ANO3: variants seen among roughly 807,000 people sequenced by gnomAD.
ANO3 encodes anoctamin-3.
ANO3 carries 99 observed loss-of-function variants against 144.8 expected under a neutral mutation model. That is an observed-to-expected ratio of 0.68 (90% CI 0.58 to 0.81). ANO3 has a LOEUF of 0.81. ANO3 is among the 30% of genes least tolerant of loss of function. The pLI is 0.00. For missense variants in ANO3, 905 were observed against 1,202.2 expected (o/e 0.75, Z 3.66); for synonymous variants, 414 against 392.6 (o/e 1.05, Z -0.64).
chr11:26,255,229 T>A (rs1204797391), intron 1 of ANO3, among the ~76,000 whole-genome samples: 1 of 152,190 alleles, frequency 6.6e-6, no homozygotes. Context: ...AGGCATTTTT[T>A]CTTTCTAATT....
intron 3 of ANO3, among the ~76,000 whole-genome samples, chr11:26,450,176 G>C (rs1029943879): frequency 6.6e-6 from 1 of 152,154 alleles, no homozygotes; most frequent in African/African-American, 2.4e-5. Context: ...TAGTAACTGT[G>C]ACTTATGTTT....
At chr11:26,546,535 G>C (rs1198441273) in intron 11 of ANO3, among the ~76,000 whole-genome samples, 1 of 151,978 alleles carries the variant, frequency 6.6e-6, no homozygotes, top group Non-Finnish European at 1.5e-5. Flanking sequence ...ACAAAACTGT[G>C]TGTGTTAAGT....
At chr11:26,407,072 G>GTATATATA (rs1453977441) in intron 1 of ANO3, among the ~76,000 whole-genome samples, 208 of 101,442 alleles carry the variant, frequency 2.1e-3, no homozygotes, top group African/African-American at 4.8e-3. Flanking sequence ...GTGTGTGTGT[G>GTATATATA]TGTGTATATA....
intron 14 of ANO3, among the ~76,000 whole-genome samples, chr11:26,580,343 GTTTC>G (rs1379676001): frequency 6.6e-6 from 1 of 152,052 alleles, no homozygotes; most frequent in Non-Finnish European, 1.5e-5. Flanking sequence ...TAGTTTCAAA[GTTTC>G]TTTCAGCTTC....
chr11:26,570,891 G>C (rs149577634), intron 14 of ANO3, among the ~76,000 whole-genome samples: 9 of 152,160 alleles, frequency 5.9e-5, no homozygotes, highest in Admixed American at 2.0e-4. Context: ...TTTTATGAGA[G>C]GGTTTTGGAA....
chr11:26,612,440 T>C (rs1053026173), intron 17 of ANO3, among the ~76,000 whole-genome samples: 2 of 151,640 alleles, frequency 1.3e-5, no homozygotes. Flanking sequence ...TACTTCTTCA[T>C]CTATTAGGTG....
intron 4 of ANO3, among the ~76,000 whole-genome samples, chr11:26,497,156 A>G (rs1860996374): frequency 6.6e-6 from 1 of 151,832 alleles, no homozygotes; most frequent in Admixed American, 6.6e-5. Flanking sequence ...GTATACAGAC[A>G]TACACACAAA....
intron 1 of ANO3, among the ~76,000 whole-genome samples, chr11:26,244,257 A>G (rs779401645): frequency 2.2e-4 from 33 of 152,202 alleles, no homozygotes; most frequent in Non-Finnish European, 4.3e-4. Context: ...AAAAATATAG[A>G]TAACAGATTC....
chr11:26,438,665 C>T (rs1020638384), intron 1 of ANO3, among the ~76,000 whole-genome samples: 73 of 146,468 alleles, frequency 5.0e-4, no homozygotes, highest in African/African-American at 1.8e-3. Context: ...GCAATCCCAG[C>T]TACTCGGGGG....
At chr11:26,427,079 G>A (rs371387809) in intron 1 of ANO3, 6 of 176,582 alleles carry the variant, frequency 3.4e-5, no homozygotes, top group South Asian at 1.4e-4. Context: ...GCTTGTGAAA[G>A]TCTCTGGAAC....
chr11:26,471,039 TG>T (rs1412317661), intron 4 of ANO3, among the ~76,000 whole-genome samples: 1 of 151,994 alleles, frequency 6.6e-6, no homozygotes, highest in Non-Finnish European at 1.5e-5. Flanking sequence ...CACCAGAAGC[TG>T]TGGTAAGCAC....
chr11:26,565,528 G>T lies in ANO3; in HGVS notation c.1447+5749G>T, dbSNP rs1336507751. On this transcript the variant is annotated intron_variant, in intron 14 of 26. Coordinates refer to ENST00000256737, the MANE Select transcript of ANO3 (RefSeq NM_031418.4). ...TTAGAAACAAAGCTATGGATCAAGG[G>T]AGGGCTTGTGGAAATGGTAGATGTG... The T allele has an allele frequency of 1.9e-6, 3 of 1,613,288 alleles. No individual in the cohort carries two copies. The African/African-American group carries it at 4.0e-5, about 22-fold the overall frequency.
At chr11:26,330,570 G>A (rs1232389953), upstream of ANO3, among the ~76,000 whole-genome samples, 5 of 152,062 alleles carry the variant, frequency 3.3e-5, no homozygotes, top group Non-Finnish European at 7.4e-5. Flanking sequence ...ATCCAATTTC[G>A]CTTTTTGCTT....
chr11:26,318,125 G>A (rs1854670417), intron 1 of ANO3, among the ~76,000 whole-genome samples: 1 of 152,112 alleles, frequency 6.6e-6, no homozygotes, highest in African/African-American at 2.4e-5. Context: ...GGGGGCTAGG[G>A]GAGGGATAGC....
intron 14 of ANO3, chr11:26,565,480 C>G (rs751608941): frequency 6.2e-7 from 1 of 1,613,326 alleles, no homozygotes; most frequent in East Asian, 2.2e-5. Context: ...TCTTCATCTG[C>G]TATAGGTGCA....
At chr11:26,401,704 C>T (rs1167558732) in intron 1 of ANO3, among the ~76,000 whole-genome samples, 2 of 151,874 alleles carry the variant, frequency 1.3e-5, no homozygotes, top group Non-Finnish European at 2.9e-5. Context: ...TGGTAAAACT[C>T]CAGCTCTATT....
intron 4 of ANO3, among the ~76,000 whole-genome samples, chr11:26,466,542 C>T (rs1336818019): frequency 6.6e-6 from 1 of 151,926 alleles, no homozygotes; most frequent in East Asian, 1.9e-4. Flanking sequence ...TGGGATTCTC[C>T]CTTTACCATG....
intron 24 of ANO3, among the ~76,000 whole-genome samples, chr11:26,655,373 T>C (rs1011942975): frequency 1.3e-5 from 2 of 152,164 alleles, no homozygotes; most frequent in Non-Finnish European, 2.9e-5. Context: ...GAATAGGTGA[T>C]TGCCAATTTC....
chr11:26,205,257 A>T (rs889789182), intron 1 of ANO3, among the ~76,000 whole-genome samples: 8 of 152,146 alleles, frequency 5.3e-5, no homozygotes, highest in Non-Finnish European at 1.2e-4. Flanking sequence ...AACTTTGGGC[A>T]TCTTTCTAAA....
Sources: allele counts gnomAD v4.1 joint callset (sites outside exome capture counted in the v4.1 genomes callset), GRCh38; gene constraint gnomAD v4.1.1; transcripts MANE v1.5; gene names NCBI Gene and HGNC (gene_info 2026-07-23, HGNC 2026-07-21).